Variants in HSPBP1 observed in about 807,000 individuals in gnomAD.
HSPBP1 encodes the protein HSPA (Hsp70) binding protein 1, also known as hsp70-binding protein 1.
HSPBP1 carries 31 observed loss-of-function variants against 41.7 expected under a neutral mutation model. The observed-to-expected ratio is 0.74, with a 90% confidence interval of 0.56 to 1.00. The LOEUF (loss-of-function observed/expected upper bound fraction) is 1.00. Among genes scored for constraint, HSPBP1 ranks in the 50% least tolerant of loss-of-function variants. HSPBP1 has a pLI of 0.00. For synonymous variants in HSPBP1, 199 were observed against 214.4 expected (o/e 0.93, Z 0.63); for missense variants, 439 against 487.9 (o/e 0.90, Z 0.94).
In HSPBP1 at chr19:55,270,910, TACCACAC is replaced by T. The variant is rs936281770; in HGVS notation, c.640+3481_640+3487del. Among the ~76,000 whole-genome samples, 2 of 148,278 alleles carry T rather than the reference TACCACAC, an allele frequency of 1.3e-5. No homozygotes were observed. The highest frequency in any genetic ancestry group is 5.0e-5 in the African/African-American group (2 of 39,884). On this transcript the variant is annotated intron_variant, in intron 4 of 7. Transcript: ENST00000433386. The surrounding 1 kb of genome is among the most constrained non-coding windows in gnomAD (Gnocchi z 5.4). ...CACACCACACACACCTCCACATATATACCACACACCACACAACCCATGTACACGCTAC... is the reference window on the plus strand; with the variant it reads ...CACACCACACACACCTCCACATATATACCACACAACCCATGTACACGCTAC...
rs1277174553 is a variant in HSPBP1, at chr19:55,265,977, G to A, written c.802C>T (p.Leu268=). The change falls in exon 6 of 8, where the codon CTG becomes TTG. Residue 268 remains leucine (L), a synonymous_variant. Coordinates refer to ENST00000433386, the MANE Select transcript of HSPBP1 (RefSeq NM_012267.5). ...LVGHPEHKGT[L]CSMGMVQQLV... ...TGCTGGACCATCCCCATGGAGCACA[G>A]GGTCCCTGGGGGGAGGGCTGCAGGG... is the stretch of plus-strand genomic sequence containing the variant. The A allele has an allele frequency of 6.3e-7, 1 of 1,598,972 alleles. No individual in the cohort carries two copies. Among genetic ancestry groups the A allele is most frequent in the Non-Finnish European group, 8.5e-7 (1 of 1,174,404 alleles).
intron 4 of HSPBP1, among the ~76,000 whole-genome samples, chr19:55,269,833 G>A (rs191737645): frequency 1.3e-5 from 2 of 152,266 alleles, no homozygotes; most frequent in Admixed American, 6.5e-5. Context: ...TCAAGAGTGC[G>A]CCCCAGTGTC....
Position 55,266,233 on chromosome 19 carries a change from A to C in HSPBP1, c.694T>G (p.Phe232Val), listed in dbSNP as rs1363651165. The change falls in exon 5 of 8, where the codon TTC (phenylalanine) becomes GTC (valine). Residue 232 changes from phenylalanine to valine, a missense_variant. Transcript: ENST00000433386. ...GLLQFLRLDG[F>V]SVLMRAMQQQ... ...TGCATGGCCCTCATCAACACAGAGA[A>C]GCCGTCCAGGCGGAGGAACTGCAGC... The C allele has an allele frequency of 6.3e-7, 1 of 1,584,198 alleles. No individual in the cohort carries two copies. Among genetic ancestry groups the C allele is most frequent in the Non-Finnish European group, 8.6e-7 (1 of 1,165,428 alleles).
chr19:55,266,296 G>A lies in HSPBP1; in HGVS notation c.641-10C>T, dbSNP rs1463453859. 1 of 1,564,472 alleles carries A rather than the reference G, an allele frequency of 6.4e-7. No homozygotes were observed. The highest frequency in any genetic ancestry group is 1.2e-5 in the South Asian group (1 of 85,096). On this transcript the variant is annotated splice_polypyrimidine_tract_variant and intron_variant, in intron 4 of 7. Transcript: ENST00000433386. ...TGCTCTCGGACCAGACCTGGGAGAG[G>A]GGGAAAGGTCCTGAGCTTGCAGTCA...
chr19:55,266,069 C>A, intron 5 of HSPBP1, 62 bp downstream of exon 5: 1 of 1,570,170 alleles, frequency 6.4e-7, no homozygotes, highest in Non-Finnish European at 8.6e-7. Context: ...CCTTCTCCCA[C>A]ACCTGCACCC....
At chr19:55,269,388 C>T (rs886845532) in intron 4 of HSPBP1, among the ~76,000 whole-genome samples, 2 of 152,290 alleles carry the variant, frequency 1.3e-5, no homozygotes, top group East Asian at 1.9e-4. Context: ...CCCAGCTCAC[C>T]GCCCACCTTC....
In HSPBP1 at chr19:55,277,861, G is replaced by A. The variant is rs758834130; in HGVS notation, c.211-15C>T. On this transcript the variant is annotated splice_polypyrimidine_tract_variant and intron_variant, in intron 2 of 7. Coordinates refer to ENST00000433386, the MANE Select transcript of HSPBP1 (RefSeq NM_012267.5). ...CACTGACGCCTCTGGAGACCAAGGC[G>A]AGGAGGAAAGAAGGAGATCCATCAG... 2.0e-5 allele frequency: 31 copies of A among 1,516,936 alleles called. No homozygotes were observed. Among genetic ancestry groups the A allele is most frequent in the Admixed American group, 1.7e-4 (8 of 46,446 alleles). 94.0% of individuals were successfully genotyped at this position (1,516,936 alleles called of 1,614,324 possible).
rs547306286 is a variant in HSPBP1 at position 55,277,179 on chromosome 19, C to G, written c.415+463G>C. Reference sequence around the variant, plus strand: ...TCCTGCGCCTGGCCCCTCACTCACTCTACTCTGCCTCAAGGGCCTGGCTGC... The same window carrying G: ...TCCTGCGCCTGGCCCCTCACTCACTGTACTCTGCCTCAAGGGCCTGGCTGC... On this transcript the variant is annotated intron_variant, in intron 3 of 7. Coordinates refer to ENST00000433386, the MANE Select transcript of HSPBP1 (RefSeq NM_012267.5). Among the ~76,000 whole-genome samples the G allele has an allele frequency of 3.1e-4, 47 of 152,352 alleles. 2 individuals carry two copies. The Middle Eastern group carries it at 0.01, about 33-fold the overall frequency.
At chr19:55,274,345 G>GGACCCCCC in intron 4 of HSPBP1, 53 bp downstream of exon 4, 1 of 552,678 alleles carries the variant, frequency 1.8e-6, no homozygotes, top group Non-Finnish European at 3.1e-6. Flanking sequence ...GGCCCACCCG[G>GGACCCCCC]CACCCCCCCC....
In HSPBP1 at chr19:55,270,769, T is replaced by G. The variant is rs1186604030; in HGVS notation, c.640+3629A>C. Among the ~76,000 whole-genome samples, 2 of 147,176 alleles carry G rather than the reference T, an allele frequency of 1.4e-5. No homozygotes were observed. Among genetic ancestry groups the G allele is most frequent in the Non-Finnish European group, 3.0e-5 (2 of 66,790 alleles). ...ACACATCCCACACACGCCATGCACA[T>G]CCACACACCACACATACGCACCACA... On this transcript the variant is annotated intron_variant, in intron 4 of 7. Transcript: ENST00000433386. The surrounding 1 kb of genome is among the most constrained non-coding windows in gnomAD (Gnocchi z 5.4).
At chr19:55,265,515 CCATT>C in intron 6 of HSPBP1, 126 bp from the exon 7 acceptor site, 1 of 759,764 alleles carries the variant, frequency 1.3e-6, no homozygotes, top group Non-Finnish European at 2.3e-6. Flanking sequence ...CAATGGGCCT[CCATT>C]TCCCCATCTG....
At chr19:55,269,042 T>C (rs1373458776) in intron 4 of HSPBP1, among the ~76,000 whole-genome samples, 1 of 152,176 alleles carries the variant, frequency 6.6e-6, no homozygotes, top group African/African-American at 2.4e-5. Flanking sequence ...ACTCCTCTCA[T>C]TCAATCTGTA....
chr19:55,269,206 T>A (rs1311182689), intron 4 of HSPBP1, among the ~76,000 whole-genome samples: 8 of 152,094 alleles, frequency 5.3e-5, no homozygotes, highest in Non-Finnish European at 1.2e-4. Context: ...TTGAGCAGCA[T>A]CCCTGGCCTC....
Position 55,265,495 on chromosome 19 carries a change from C to A in HSPBP1, c.894-106G>T, listed in dbSNP as rs925073926. Reference sequence around the variant, plus strand: ...TGGCTCACTCAGGAGCCTGGCAAGTCGCTGCCCCACAATGGGCCTCCATTT... The same window carrying A: ...TGGCTCACTCAGGAGCCTGGCAAGTAGCTGCCCCACAATGGGCCTCCATTT... On this transcript the variant is annotated intron_variant, in intron 6 of 7. Coordinates refer to ENST00000433386, the MANE Select transcript of HSPBP1 (RefSeq NM_012267.5). The A allele has an allele frequency of 3.7e-5, 32 of 866,520 alleles. No individual in the cohort carries two copies. In the East Asian group the frequency reaches 8.1e-4, roughly 22 times the overall value. The allele number at this position is 866,520 out of a possible 1,614,324, so 53.7% of individuals were successfully genotyped here. A position where few individuals can be genotyped will look rare whatever the true frequency, so the allele number is the denominator to read the frequency against.
Position 55,270,564 on chromosome 19 carries a change from A to C in HSPBP1, c.640+3834T>G, listed in dbSNP as rs1481867846. On this transcript the variant is annotated intron_variant, in intron 4 of 7. Transcript: ENST00000433386. The surrounding 1 kb of genome is among the most constrained non-coding windows in gnomAD (Gnocchi z 5.4). ...CCCGCAGGAAGGGGAAAGATAAGCTACTGTTGCTTAAGAAAAAAGGACAGA... is the reference window on the plus strand; with the variant it reads ...CCCGCAGGAAGGGGAAAGATAAGCTCCTGTTGCTTAAGAAAAAAGGACAGA... Among the ~76,000 whole-genome samples, 1 of 152,114 alleles carries C rather than the reference A, an allele frequency of 6.6e-6. No individual in the cohort carries two copies. Among genetic ancestry groups the C allele is most frequent in the Non-Finnish European group, 1.5e-5 (1 of 68,024 alleles).
Position 55,279,424 on chromosome 19 carries a change from G to A in HSPBP1, c.185C>T (p.Pro62Leu). 2 of 1,600,252 alleles carry A rather than the reference G, an allele frequency of 1.2e-6. No individual in the cohort carries two copies. Among genetic ancestry groups the A allele is most frequent in the Non-Finnish European group, 1.7e-6 (2 of 1,176,782 alleles). ...AITAGSEEPD[P>L]PPEPMSEERR... ...CTCCTCACTCATCGGTTCTGGAGGA[G>A]GGTCTGGCTCTTCAGAGCCCGCGGT... is the stretch of plus-strand genomic sequence containing the variant. Residue 62 changes from proline to leucine, a missense_variant, in exon 2 of 8, where the codon CCT becomes CTT. Physicochemically the swap from Pro to Leu is moderately conservative, Grantham distance 98. Coordinates refer to ENST00000433386, the MANE Select transcript of HSPBP1 (RefSeq NM_012267.5).
rs537141454 is a variant in HSPBP1, at chr19:55,272,782, G to A, written c.640+1616C>T. 5.3e-4 allele frequency among the ~76,000 whole-genome samples: 81 copies of A among 151,810 alleles called. No homozygotes were observed. The highest frequency in any genetic ancestry group is 1.0e-3 in the Admixed American group (16 of 15,262). ...GAACCTGGGAGGAGGAGGTTGTAGT[G>A]AGCCGAGATCGCGCCATTGCGCTCC... On this transcript the variant is annotated intron_variant, in intron 4 of 7. Coordinates refer to ENST00000433386, the MANE Select transcript of HSPBP1 (RefSeq NM_012267.5). This position sits in a 1 kb window ranked among gnomAD's most constrained non-coding sequence, Gnocchi z 4.2.
chr19:55,280,089 A>C lies in HSPBP1; in HGVS notation c.-149T>G. 9.2e-6 allele frequency: 2 copies of C among 216,568 alleles called. No homozygotes were observed. The highest frequency in any genetic ancestry group is 9.4e-6 in the Non-Finnish European group (1 of 106,916). The allele number at this position is 216,568 out of a possible 1,614,324, so 13.4% of individuals were successfully genotyped here. A position where few individuals can be genotyped will look rare whatever the true frequency, so the allele number is the denominator to read the frequency against. On this transcript the variant is annotated 5_prime_UTR_variant, in exon 1 of 8. Coordinates refer to ENST00000433386, the MANE Select transcript of HSPBP1 (RefSeq NM_012267.5). ...CTACAGACAAAGTCGTCCGCACCTG[A>C]CTCTGCTGGGCGCCGCCATCTTAAC...
At chr19:55,265,481 G>A in intron 6 of HSPBP1, 92 bp from the exon 7 acceptor site, 1 of 999,452 alleles carries the variant, frequency 1.0e-6, no homozygotes, top group South Asian at 1.3e-5. Context: ...GGCTCACTCA[G>A]GAGCCTGGCA....
Sources: gnomAD v4.1 joint callset for allele counts (sites outside exome capture counted in the v4.1 genomes callset) on GRCh38, gnomAD v4.1.1 for gene constraint, Gnocchi (gnomAD v3.1) non-coding constraint, MANE v1.5 for transcripts, NCBI Gene and HGNC (gene_info 2026-07-23, HGNC 2026-07-21) for gene names.